Variants in SIVA1 observed in about 807,000 individuals in gnomAD.
SIVA1 encodes apoptosis regulatory protein Siva.
In SIVA1, 10 loss-of-function variants were observed where a neutral mutation model predicts 19.7. The observed-to-expected ratio is 0.51, with a 90% CI of 0.31 to 0.86. The LOEUF is 0.86. SIVA1 is among the 40% of genes least tolerant of loss of function. The probability of loss-of-function intolerance (pLI) is 0.04; values close to 1 mark genes in which losing one functional copy is unlikely to be tolerated. For synonymous variants in SIVA1, 130 were observed against 106.1 expected, an observed-to-expected ratio of 1.23 and a Z score of -1.39; for missense variants, 241 against 245.2, an observed-to-expected ratio of 0.98 and a Z score of 0.11.
chr14:104,756,531 A>G, intron 2 of SIVA1, 73 bp from the exon 3 acceptor site: 1 of 1,565,090 alleles, frequency 6.4e-7, no homozygotes, highest in South Asian at 1.1e-5. Flanking sequence ...GTATGCATGG[A>G]GGCAGGTAGC....
rs1426282559 is a variant in SIVA1 at position 104,753,176 on chromosome 14, G to T, written c.-26G>T. ...TTGGTAAGGGGCTGGCGGCCGGGGA[G>T]CTGCGTAGCTCCCGGCCCCGCGGCC... On this transcript the variant is annotated 5_prime_UTR_variant, in exon 1 of 4. Coordinates refer to ENST00000329967, the MANE Select transcript of SIVA1 (RefSeq NM_006427.4). The T allele has an allele frequency of 6.9e-7, 1 of 1,453,172 alleles. No individual in the cohort carries two copies. Among genetic ancestry groups the T allele is most frequent in the Non-Finnish European group, 9.4e-7 (1 of 1,062,988 alleles). 90.0% of individuals were successfully genotyped at this position (1,453,172 alleles called of 1,614,324 possible). A position where few individuals can be genotyped will look rare whatever the true frequency, so the allele number is the denominator to read the frequency against.
intron 1 of SIVA1, chr14:104,753,807 G>A: frequency 2.2e-6 from 1 of 453,834 alleles, no homozygotes; most frequent in Non-Finnish European, 4.4e-6. Context: ...CAAGACAGAT[G>A]TGCCCCGTCT....
Position 104,753,496 on chromosome 14 carries a change from G to A in SIVA1, c.118+177G>A, listed in dbSNP as rs888620007. 7.2e-5 allele frequency among the ~76,000 whole-genome samples: 11 copies of A among 152,332 alleles called. No homozygotes were observed. In the East Asian group the frequency reaches 1.9e-3, roughly 27 times the overall value. On this transcript the variant is annotated intron_variant, in intron 1 of 3. Transcript: ENST00000329967. The stretch of plus-strand genomic sequence containing the variant: ...CTGGCCACGCCCAGGGCTGGGGTCA[G>A]TGAGGGGGATGTGAGGACCCCAGCG...
intron 1 of SIVA1, among the ~76,000 whole-genome samples, chr14:104,755,318 G>A (rs970287926): frequency 1.3e-5 from 2 of 152,216 alleles, no homozygotes; most frequent in African/African-American, 4.8e-5. Flanking sequence ...GAGGCCAGCC[G>A]TGAATTGCAG....
At position 104,759,003 on chromosome 14, in the gene SIVA1, C is replaced by G. The variant is rs1435044593; in HGVS notation, c.471-425C>G. 1.3e-5 allele frequency: 2 copies of G among 156,134 alleles called. No homozygotes were observed. The highest frequency in any genetic ancestry group is 1.4e-5 in the Non-Finnish European group (1 of 70,680). The allele number at this position is 156,134 out of a possible 1,614,324, so 9.7% of individuals were successfully genotyped here. On this transcript the variant is annotated intron_variant, in intron 3 of 3. Coordinates refer to ENST00000329967, the MANE Select transcript of SIVA1 (RefSeq NM_006427.4). The surrounding 1 kb of genome is among the most constrained non-coding windows in gnomAD (Gnocchi z 4.2). ...GTAACTGAGTTCGCAGACCCAGTGGCATAGACAGCAAAGAGGTACTGCCAC... is the reference window on the plus strand; with the variant it reads ...GTAACTGAGTTCGCAGACCCAGTGGGATAGACAGCAAAGAGGTACTGCCAC...
chr14:104,755,754 T>A lies in SIVA1; in HGVS notation c.243T>A (p.Ala81=). Residue 81 remains alanine, a synonymous_variant, in exon 2 of 4, where the codon GCT becomes GCA. Transcript: ENST00000329967. ...PKPGPTGAPR[A]ARGQMLIGPD... Reference sequence around the variant, plus strand: ...CTGGCCCTACAGGGGCCCCGAGGGCTGCACGTGGGCAGATGCTGATTGGAC... The same window carrying A: ...CTGGCCCTACAGGGGCCCCGAGGGCAGCACGTGGGCAGATGCTGATTGGAC... 6.2e-7 allele frequency: 1 copy of A among 1,614,134 alleles called. No individual in the cohort carries two copies. Among genetic ancestry groups the A allele is most frequent in the Non-Finnish European group, 8.5e-7 (1 of 1,180,020 alleles).
intron 1 of SIVA1, among the ~76,000 whole-genome samples, chr14:104,754,682 T>G (rs1891826325): frequency 6.6e-6 from 1 of 152,162 alleles, no homozygotes; most frequent in Non-Finnish European, 1.5e-5. Context: ...GCCACAGCTG[T>G]TACCCTGATC....
Position 104,759,309 on chromosome 14 carries a change from A to C in SIVA1, c.471-119A>C, listed in dbSNP as rs1892007146. On this transcript the variant is annotated intron_variant, in intron 3 of 3. Transcript: ENST00000329967. This position sits in a 1 kb window ranked among gnomAD's most constrained non-coding sequence, Gnocchi z 4.2. ...ATGCCCGCAGTGATCCTGTCTCCAG[A>C]TAAGGTCATGTCCTGAGGTGTTCTG... is the stretch of plus-strand genomic sequence containing the variant. 5 of 769,876 alleles carry C rather than the reference A, an allele frequency of 6.5e-6. No individual in the cohort carries two copies. Among genetic ancestry groups the C allele is most frequent in the Non-Finnish European group, 1.1e-5 (5 of 469,166 alleles). 47.7% of individuals were successfully genotyped at this position (769,876 alleles called of 1,614,324 possible).
At position 104,756,776 on chromosome 14, in the gene SIVA1, C is replaced by G; in HGVS notation, c.470+16C>G. On this transcript the variant is annotated intron_variant, in intron 3 of 3. Transcript: ENST00000329967. ...GCCTCGTGGAGTAAGTACTTCAGTC[C>G]CTGGAGCTGCTGAGATCCCATAGCC... 6.3e-7 allele frequency: 1 copy of G among 1,598,214 alleles called. No individual in the cohort carries two copies. The highest frequency in any genetic ancestry group is 8.5e-7 in the Non-Finnish European group (1 of 1,170,262).
chr14:104,756,522 T>C, intron 2 of SIVA1, 82 bp from the exon 3 acceptor site: 1 of 1,518,658 alleles, frequency 6.6e-7, no homozygotes, highest in Admixed American at 1.7e-5. Context: ...TGCCCTCAGG[T>C]ATGCATGGAG....
At chr14:104,755,363 C>G (rs983912408) in intron 1 of SIVA1, among the ~76,000 whole-genome samples, 1 of 152,182 alleles carries the variant, frequency 6.6e-6, no homozygotes, top group Non-Finnish European at 1.5e-5. Flanking sequence ...GGAACCCTTG[C>G]ATCAGACACA....
intron 1 of SIVA1, chr14:104,753,840 T>G (rs1434900609): frequency 4.5e-6 from 2 of 446,460 alleles, no homozygotes; most frequent in Non-Finnish European, 9.1e-6. Flanking sequence ...CCAGCCTAGT[T>G]GGGGAGACCA....
intron 1 of SIVA1, chr14:104,753,936 G>A (rs1249021215): frequency 2.9e-6 from 1 of 346,928 alleles, no homozygotes; most frequent in South Asian, 2.0e-5. Flanking sequence ...CTTCTTGGAA[G>A]AACAGTCTGA....
Position 104,759,336 on chromosome 14 carries a change from G to T in SIVA1, c.471-92G>T, listed in dbSNP as rs1457056933. ...AAGGTCATGTCCTGAGGTGTTCTGG[G>T]TTAGGACTTTGACGTTTGAATGGTG... On this transcript the variant is annotated intron_variant, in intron 3 of 3. Transcript: ENST00000329967. This position sits in a 1 kb window ranked among gnomAD's most constrained non-coding sequence, Gnocchi z 4.2. 9.3e-7 allele frequency: 1 copy of T among 1,074,946 alleles called. No individual in the cohort carries two copies. The highest frequency in any genetic ancestry group is 1.4e-6 in the Non-Finnish European group (1 of 719,604). The allele number at this position is 1,074,946 out of a possible 1,614,324, so 66.6% of individuals were successfully genotyped here. A position where few individuals can be genotyped will look rare whatever the true frequency, so the allele number is the denominator to read the frequency against.
In SIVA1 at chr14:104,753,205, C is replaced by T. The variant is rs919913159; in HGVS notation, c.4C>T (p.Pro2Ser). The T allele has an allele frequency of 1.9e-6, 3 of 1,570,332 alleles. No homozygotes were observed. Among genetic ancestry groups the T allele is most frequent in the African/African-American group, 2.8e-5 (2 of 72,504 alleles). ...CGTAGCTCCCGGCCCCGCGGCCATGCCCAAGCGGAGCTGCCCCTTCGCGGA... is the reference window on the plus strand; with the variant it reads ...CGTAGCTCCCGGCCCCGCGGCCATGTCCAAGCGGAGCTGCCCCTTCGCGGA... Reference protein sequence around the residue: MPKRSCPFADVA... With the variant: MSKRSCPFADVA... The change falls in exon 1 of 4, where the codon CCC (proline) becomes TCC (serine). Residue 2 changes from proline to serine, a missense_variant. By Grantham distance (74) the Pro-to-Ser change is moderately conservative. Coordinates refer to ENST00000329967, the MANE Select transcript of SIVA1 (RefSeq NM_006427.4).
Position 104,756,911 on chromosome 14 carries a change from A to G in SIVA1, c.470+151A>G, listed in dbSNP as rs563641326. 2.7e-5 allele frequency: 24 copies of G among 898,830 alleles called. No homozygotes were observed. In the African/African-American group the frequency reaches 3.7e-4, roughly 14 times the overall value. 55.7% of individuals were successfully genotyped at this position (898,830 alleles called of 1,614,324 possible). On this transcript the variant is annotated intron_variant, in intron 3 of 3. Coordinates refer to ENST00000329967, the MANE Select transcript of SIVA1 (RefSeq NM_006427.4). The stretch of plus-strand genomic sequence containing the variant: ...CATTGCCTAACGGGACATGGTGGCA[A>G]TAGATGCTTGGCCCAACTTTAGTGG...
At chr14:104,758,534 G>GGCT (rs1891983171) in intron 3 of SIVA1, 1 of 142,330 alleles carries the variant, frequency 7.0e-6, no homozygotes, top group South Asian at 2.2e-4. Context: ...CTGTCACCCA[G>GGCT]GCTGGAGTGC....
chr14:104,754,477 C>G (rs1891819151), intron 1 of SIVA1, among the ~76,000 whole-genome samples: 2 of 152,196 alleles, frequency 1.3e-5, no homozygotes, highest in Non-Finnish European at 2.9e-5. Flanking sequence ...AAACACTGTG[C>G]AGGCAAGAAG....
rs1397369387 is a variant in SIVA1, at chr14:104,755,653, C to T, written c.142C>T (p.Leu48Phe). The T allele has an allele frequency of 6.2e-7, 1 of 1,613,022 alleles. No individual in the cohort carries two copies. The highest frequency in any genetic ancestry group is 1.3e-5 in the African/African-American group (1 of 74,864). ...VFEKTKRLLF[L>F]GAQAYLDHVW... ...AGAGAAGACCAAGCGACTCCTGTTC[C>T]TCGGGGCCCAGGCCTACCTGGACCA... Residue 48 changes from leucine to phenylalanine, a missense_variant, in exon 2 of 4, where the codon CTC becomes TTC. Transcript: ENST00000329967.
Sources: gnomAD v4.1 joint callset for allele counts (sites outside exome capture counted in the v4.1 genomes callset) on GRCh38, gnomAD v4.1.1 for gene constraint, Gnocchi (gnomAD v3.1) non-coding constraint, MANE v1.5 for transcripts, NCBI Gene and HGNC (gene_info 2026-07-23, HGNC 2026-07-21) for gene names.